The following JAKMIP3 variants were observed in gnomAD, a reference collection of about 807,000 sequenced individuals.
JAKMIP3 encodes Janus kinase and microtubule interacting protein 3.
Under a neutral mutation model 118.5 loss-of-function variants are expected in JAKMIP3, and 58 were observed. The ratio of observed to expected loss-of-function variants is 0.49; its 90% CI spans 0.40 to 0.61. The LOEUF is 0.61. Ranked by LOEUF, JAKMIP3 falls within the 20% of genes least tolerant of loss-of-function variation. The pLI is 0.00. For synonymous variants in JAKMIP3, 486 were observed against 451.2 expected (o/e 1.08, Z -0.98); for missense variants, 950 against 1,109.0 (o/e 0.86, Z 2.04).
intron 1 of JAKMIP3, among the ~76,000 whole-genome samples, chr10:132,069,284 C>T (rs74996062): frequency 2.0e-5 from 3 of 152,106 alleles, no homozygotes; most frequent in Non-Finnish European, 4.4e-5. Flanking sequence ...GTCTGGAGGC[C>T]TCGGTTTTTC....
chr10:132,166,262 G>C (rs1374554294), intron 21 of JAKMIP3, among the ~76,000 whole-genome samples: 1 of 152,154 alleles, frequency 6.6e-6, no homozygotes, highest in African/African-American at 2.4e-5. Context: ...GGAGGTTGAG[G>C]CTGCAGTGAG....
intron 22 of JAKMIP3, among the ~76,000 whole-genome samples, chr10:132,167,694 C>G (rs955855233): frequency 3.9e-5 from 6 of 152,134 alleles, no homozygotes; most frequent in African/African-American, 1.4e-4. Context: ...AGGAGCTTCC[C>G]CTGGGAGCAG....
chr10:132,171,515 C>G (rs1187919738), intron 23 of JAKMIP3, among the ~76,000 whole-genome samples: 2 of 152,312 alleles, frequency 1.3e-5, no homozygotes, highest in African/African-American at 2.4e-5. Flanking sequence ...TGAGCATCTC[C>G]CTTCTCTCCA....
intron 23 of JAKMIP3, among the ~76,000 whole-genome samples, chr10:132,180,964 G>A (rs559930521): frequency 5.8e-4 from 88 of 151,662 alleles, no homozygotes; most frequent in African/African-American, 7.7e-4. Context: ...GCATTTGTGC[G>A]TATTGTGTGG....
At chr10:132,053,947 G>A (rs890528660) in intron 1 of JAKMIP3, among the ~76,000 whole-genome samples, 3 of 150,996 alleles carry the variant, frequency 2.0e-5, no homozygotes, top group Non-Finnish European at 2.9e-5. Flanking sequence ...GGCTGAGGCA[G>A]GAGAACAGCA....
At chr10:132,180,746 C>CGTGTGCGCGTGTGT (rs1386218178) in intron 23 of JAKMIP3, among the ~76,000 whole-genome samples, 1 of 10,750 alleles carries the variant, frequency 9.3e-5, no homozygotes, top group African/African-American at 2.9e-4. Context: ...TGCGTGCGTG[C>CGTGTGCGCGTGTGT]GCGCGCGTGT....
intron 23 of JAKMIP3, among the ~76,000 whole-genome samples, chr10:132,180,704 T>TGC (rs1488259782): frequency 2.6e-4 from 9 of 35,244 alleles, no homozygotes; most frequent in African/African-American, 9.3e-4. Flanking sequence ...TGCGTGTGTG[T>TGC]GTGCGCGTGT....
chr10:132,058,576 C>T (rs2038309002), intron 1 of JAKMIP3, among the ~76,000 whole-genome samples: 1 of 152,208 alleles, frequency 6.6e-6, no homozygotes, highest in South Asian at 2.1e-4. Flanking sequence ...TGGTGAACTT[C>T]AGCAATGACT....
At chr10:132,079,036 C>T (rs976766859) in intron 1 of JAKMIP3, among the ~76,000 whole-genome samples, 2 of 152,146 alleles carry the variant, frequency 1.3e-5, no homozygotes, top group African/African-American at 4.8e-5. Context: ...CCCACTCCTG[C>T]CCCGTCACCC....
At position 132,168,227 on chromosome 10, in the gene JAKMIP3, C is replaced by A. The variant is rs144977297; in HGVS notation, c.*297C>A. Reference sequence around the variant, plus strand: ...CTGGGTCCCTTCTCCCGGACGGCAGCCCCCATCCCATTTCCAGGGATGTGT... The same window carrying A: ...CTGGGTCCCTTCTCCCGGACGGCAGACCCCATCCCATTTCCAGGGATGTGT... On this transcript the variant is annotated 3_prime_UTR_variant, in exon 23 of 24. Coordinates refer to ENST00000684848, the MANE Select transcript of JAKMIP3 (RefSeq NM_001323087.2). 0.018 allele frequency: 23,554 copies of A among 1,289,076 alleles called. 260 individuals carry two copies. Among genetic ancestry groups the A allele is most frequent in the Middle Eastern group, 0.04 (188 of 4,696 alleles). 79.9% of individuals were successfully genotyped at this position (1,289,076 alleles called of 1,614,324 possible).
At chr10:132,055,734 G>A (rs909512912) in intron 1 of JAKMIP3, among the ~76,000 whole-genome samples, 4 of 152,164 alleles carry the variant, frequency 2.6e-5, no homozygotes. Context: ...CTAATGAGCT[G>A]CCCCGTGGTG....
At chr10:132,069,403 G>A (rs537667839) in intron 1 of JAKMIP3, among the ~76,000 whole-genome samples, 3 of 152,282 alleles carry the variant, frequency 2.0e-5, no homozygotes, top group Non-Finnish European at 4.4e-5. Flanking sequence ...TGATGGTGGT[G>A]GGGTGGGTCT....
Position 132,044,399 on chromosome 10 carries a change from C to T in JAKMIP3, c.-138+7661C>T, listed in dbSNP as rs530452443. Reference sequence around the variant, plus strand: ...TCTTAGCAGTGACCACTGCCACCAACGAGTTGTCACAATTCTGCAAGAGCT... The same window carrying T: ...TCTTAGCAGTGACCACTGCCACCAATGAGTTGTCACAATTCTGCAAGAGCT... On this transcript the variant is annotated intron_variant, in intron 1 of 23. Coordinates refer to the JAKMIP3 transcript ENST00000657785. The surrounding 1 kb of genome is among the most constrained non-coding windows in gnomAD (Gnocchi z 5.3). 9.8e-5 allele frequency among the ~76,000 whole-genome samples: 15 copies of T among 152,316 alleles called. No homozygotes were observed. The highest frequency in any genetic ancestry group is 1.9e-4 in the East Asian group (1 of 5,180).
intron 2 of JAKMIP3, among the ~76,000 whole-genome samples, chr10:132,115,536 T>G (rs2047513465): frequency 1.3e-5 from 2 of 152,164 alleles, no homozygotes; most frequent in Non-Finnish European, 2.9e-5. Context: ...TGGTTTGAAA[T>G]GGAGATGTTG....
chr10:132,136,963 G>A (rs1381230929), intron 6 of JAKMIP3, 56 bp from the exon 7 acceptor site: 23 of 1,583,350 alleles, frequency 1.5e-5, no homozygotes, highest in Non-Finnish European at 1.9e-5. Context: ...GACCCACTGT[G>A]TTCAGCCAGA....
intron 2 of JAKMIP3, among the ~76,000 whole-genome samples, chr10:132,113,165 C>G (rs1321990124): frequency 6.6e-6 from 1 of 152,202 alleles, no homozygotes; most frequent in Non-Finnish European, 1.5e-5. Context: ...TGTGATAAAG[C>G]TCAGGAGGTA....
At chr10:132,178,348 G>C (rs570665064) in intron 23 of JAKMIP3, among the ~76,000 whole-genome samples, 4 of 152,212 alleles carry the variant, frequency 2.6e-5, no homozygotes, top group Admixed American at 6.5e-5. Context: ...CCCCATGAAG[G>C]GGGTAGAGGA....
chr10:132,177,562 C>T (rs1574545), intron 23 of JAKMIP3, among the ~76,000 whole-genome samples: 4,253 of 128,486 alleles, frequency 0.033, 220 homozygotes, highest in African/African-American at 0.12. Flanking sequence ...GTCGTGTGTG[C>T]GCACCTGCTC....
chr10:132,058,831 C>T (rs114310015), intron 1 of JAKMIP3, among the ~76,000 whole-genome samples: 1,883 of 152,340 alleles, frequency 0.012, 39 homozygotes, highest in African/African-American at 0.042. Flanking sequence ...TAAAGTACCC[C>T]GGTAATCCCA....
Sources: allele counts gnomAD v4.1 joint callset (sites outside exome capture counted in the v4.1 genomes callset), GRCh38; gene constraint gnomAD v4.1.1; non-coding constraint Gnocchi (gnomAD v3.1); transcripts MANE v1.5; gene names NCBI Gene and HGNC (gene_info 2026-07-23, HGNC 2026-07-21).